Variants in DIAPH3 observed in about 807,000 individuals in gnomAD.
DIAPH3 encodes diaphanous related formin 3.
DIAPH3 carries 117 observed loss-of-function variants against 144.3 expected under a neutral mutation model. The ratio of observed to expected loss-of-function variants is 0.81; its 90% CI spans 0.70 to 0.95. The LOEUF (loss-of-function observed/expected upper bound fraction) is 0.95, where lower values mean the gene tolerates loss of function less well. Ranked by LOEUF, DIAPH3 falls within the 40% of genes least tolerant of loss-of-function variation. DIAPH3 has a pLI of 0.00. For synonymous variants in DIAPH3, 519 were observed against 488.9 expected (o/e 1.06, Z -0.81); for missense variants, 1,421 against 1,412.7 (o/e 1.01, Z -0.09).
chr13:59,866,265 T>C (rs2043918955), intron 21 of DIAPH3, among the ~76,000 whole-genome samples: 1 of 151,968 alleles, frequency 6.6e-6, no homozygotes, highest in Admixed American at 6.6e-5. Flanking sequence ...ATCCATTATT[T>C]AAAAAGGAAA....
At chr13:59,912,682 G>T (rs550903957) in intron 19 of DIAPH3, among the ~76,000 whole-genome samples, 23 of 152,284 alleles carry the variant, frequency 1.5e-4, no homozygotes, top group African/African-American at 4.6e-4. Context: ...ATAAAAAAGA[G>T]TGGTTGGTGC....
intron 25 of DIAPH3, among the ~76,000 whole-genome samples, chr13:59,779,755 G>T (rs1445828006): frequency 6.6e-6 from 1 of 151,970 alleles, no homozygotes; most frequent in Non-Finnish European, 1.5e-5. Context: ...CAGGTTATCT[G>T]CCAGCCTAGG....
At chr13:59,690,697 C>T (rs1437066012) in intron 27 of DIAPH3, among the ~76,000 whole-genome samples, 1 of 152,078 alleles carries the variant, frequency 6.6e-6, no homozygotes, top group African/African-American at 2.4e-5. Flanking sequence ...TTTGGGAATA[C>T]ACTGGTTTCA....
intron 27 of DIAPH3, among the ~76,000 whole-genome samples, chr13:59,758,934 C>T (rs1373253081): frequency 6.6e-6 from 1 of 150,988 alleles, no homozygotes; most frequent in Non-Finnish European, 1.5e-5. Context: ...CGCACACCAC[C>T]AGAACTGGCT....
chr13:59,759,399 T>C (rs889944274), intron 27 of DIAPH3, among the ~76,000 whole-genome samples: 1 of 152,120 alleles, frequency 6.6e-6, no homozygotes, highest in African/African-American at 2.4e-5. Flanking sequence ...CCTTTTCTGG[T>C]TATTAAAACA....
At chr13:59,918,944 C>CA (rs34985752) in intron 18 of DIAPH3, among the ~76,000 whole-genome samples, 9,299 of 117,280 alleles carry the variant, frequency 0.079, 412 homozygotes, top group African/African-American at 0.13. Context: ...CAAGAAAATA[C>CA]AAAAAAAAAA....
chr13:59,995,135 T>C (rs946033283), intron 9 of DIAPH3, among the ~76,000 whole-genome samples: 5 of 151,872 alleles, frequency 3.3e-5, no homozygotes, highest in African/African-American at 1.2e-4. Context: ...TTTTAGAGAA[T>C]AGGATAAATC....
chr13:59,822,503 C>T (rs987977467), intron 24 of DIAPH3, among the ~76,000 whole-genome samples: 2 of 151,902 alleles, frequency 1.3e-5, no homozygotes, highest in Admixed American at 6.6e-5. Flanking sequence ...TGCAGTGGTG[C>T]GATCTCGGCT....
intron 27 of DIAPH3, among the ~76,000 whole-genome samples, chr13:59,674,421 A>T (rs928170916): frequency 1.3e-5 from 2 of 152,124 alleles, no homozygotes; most frequent in Non-Finnish European, 2.9e-5. Context: ...CTATCATGAT[A>T]TTGCCCTTGA....
chr13:59,918,720 C>T (rs1052451815), intron 18 of DIAPH3, among the ~76,000 whole-genome samples: 1 of 151,980 alleles, frequency 6.6e-6, no homozygotes, highest in African/African-American at 2.4e-5. Context: ...GAAAGATGAC[C>T]TAAAATAAAG....
intron 9 of DIAPH3, among the ~76,000 whole-genome samples, 192 bp downstream of exon 9, chr13:60,008,352 C>T (rs552881363): frequency 2.0e-5 from 3 of 152,150 alleles, no homozygotes; most frequent in African/African-American, 7.2e-5. Flanking sequence ...GCTGAGAACG[C>T]GCCACTGCAC....
At chr13:59,760,391 T>C (rs1258321981) in intron 27 of DIAPH3, among the ~76,000 whole-genome samples, 2 of 152,226 alleles carry the variant, frequency 1.3e-5, no homozygotes, top group Non-Finnish European at 2.9e-5. Context: ...ACTATATTAA[T>C]AAGATGTGAG....
intron 3 of DIAPH3, among the ~76,000 whole-genome samples, chr13:60,101,833 T>C (rs2058276425): frequency 6.6e-6 from 1 of 152,196 alleles, no homozygotes; most frequent in South Asian, 2.1e-4. Flanking sequence ...CATCTTTTTC[T>C]TGGCCCCAGT....
intron 21 of DIAPH3, among the ~76,000 whole-genome samples, chr13:59,868,908 ATT>A (rs1279162663): frequency 6.6e-6 from 1 of 152,154 alleles, no homozygotes; most frequent in African/African-American, 2.4e-5. Flanking sequence ...GAGATCATTT[ATT>A]TTTAATATTG....
rs540524045 is a variant in DIAPH3 at position 59,878,137 on chromosome 13, G to C, written c.2607+1092C>G. On this transcript the variant is annotated intron_variant, in intron 21 of 27. Coordinates refer to ENST00000400324, the MANE Select transcript of DIAPH3 (RefSeq NM_001042517.2). ...GAATCTAAAGATAGAATCTGGCAAA[G>C]CATCTGGCACAGGACTTCACTCTGA... 2.4e-4 allele frequency among the ~76,000 whole-genome samples: 36 copies of C among 152,272 alleles called. No individual in the cohort carries two copies. The South Asian group carries it at 5.8e-3, about 25-fold the overall frequency.
At chr13:59,666,931 A>T in intron 27 of DIAPH3, 85 bp from the exon 28 acceptor site, 1 of 1,470,596 alleles carries the variant, frequency 6.8e-7, no homozygotes, top group Non-Finnish European at 9.4e-7. Flanking sequence ...TAAAATAATT[A>T]TTCTCAATAA....
At position 59,891,785 on chromosome 13, in the gene DIAPH3, G is replaced by A. The variant is rs191471896; in HGVS notation, c.2368-12317C>T. The stretch of plus-strand genomic sequence containing the variant: ...AGTGATTGCCACCATAAGAAATGAA[G>A]TATGGCCTTAGTGTCAAAAAAGCAT... On this transcript the variant is annotated intron_variant, in intron 20 of 27. Coordinates refer to ENST00000400324, the MANE Select transcript of DIAPH3 (RefSeq NM_001042517.2). 5.1e-4 allele frequency among the ~76,000 whole-genome samples: 78 copies of A among 151,910 alleles called. No individual in the cohort carries two copies. In the East Asian group the frequency reaches 0.014, roughly 28 times the overall value.
intron 22 of DIAPH3, among the ~76,000 whole-genome samples, chr13:59,854,857 T>C (rs1357292269): frequency 6.6e-6 from 1 of 152,172 alleles, no homozygotes; most frequent in Non-Finnish European, 1.5e-5. Context: ...AATGATGTAT[T>C]GATGACACTT....
chr13:59,776,287 T>C (rs1306599625), intron 25 of DIAPH3, among the ~76,000 whole-genome samples: 2 of 152,078 alleles, frequency 1.3e-5, no homozygotes, highest in Admixed American at 6.6e-5. Context: ...CTAAACCTTG[T>C]AGGTGTTATC....
Sources: allele counts gnomAD v4.1 joint callset (sites outside exome capture counted in the v4.1 genomes callset), GRCh38; gene constraint gnomAD v4.1.1; transcripts MANE v1.5; gene names NCBI Gene and HGNC (gene_info 2026-07-23, HGNC 2026-07-21).